Variants in TMEM233 observed in about 807,000 individuals in gnomAD.
TMEM233 encodes the protein transmembrane protein 233.
Under a neutral mutation model 11.2 loss-of-function variants are expected in TMEM233, and 6 were observed. The ratio of observed to expected loss-of-function variants is 0.54; its 90% CI spans 0.29 to 1.06. The LOEUF (loss-of-function observed/expected upper bound fraction) is 1.06, where lower values mean the gene tolerates loss of function less well. Among genes scored for constraint, TMEM233 ranks in the 50% least tolerant of loss-of-function variants. TMEM233 has a pLI of 0.08. For missense variants in TMEM233, 127 were observed against 144.7 expected (o/e 0.88, Z 0.63); for synonymous variants, 59 against 55.8 (o/e 1.06, Z -0.26).
intron 1 of TMEM233, among the ~76,000 whole-genome samples, chr12:119,628,694 G>C (rs963043195): frequency 6.6e-6 from 1 of 151,074 alleles, no homozygotes; most frequent in Non-Finnish European, 1.5e-5. Flanking sequence ...TAGAGACGGG[G>C]TTTCACTGTG....
At chr12:119,598,666 C>T (rs1312882179) in intron 1 of TMEM233, among the ~76,000 whole-genome samples, 1 of 152,194 alleles carries the variant, frequency 6.6e-6, no homozygotes, top group African/African-American at 2.4e-5. Context: ...TTCTCAAGCA[C>T]ACCATTGCCT....
At chr12:119,651,472 GA>G in the TMEM233 span, among the ~76,000 whole-genome samples, 5 of 151,984 alleles carry the variant, frequency 3.3e-5, no homozygotes, top group African/African-American at 9.7e-5. Flanking sequence ...TGACCATTCC[GA>G]AAAAAACTGC....
downstream of TMEM233, among the ~76,000 whole-genome samples, chr12:119,643,241 C>T (rs1202679211): frequency 1.3e-5 from 2 of 151,818 alleles, no homozygotes; most frequent in Admixed American, 6.6e-5. Context: ...CCAGAAATGT[C>T]CCTCTATGAG....
the TMEM233 span, among the ~76,000 whole-genome samples, chr12:119,648,755 T>C: frequency 6.6e-6 from 1 of 150,676 alleles, no homozygotes. Flanking sequence ...AATGAATGAA[T>C]TAATTAATTA....
At chr12:119,601,652 C>A (rs1355654602) in intron 1 of TMEM233, among the ~76,000 whole-genome samples, 3 of 92,026 alleles carry the variant, frequency 3.3e-5, no homozygotes, top group Non-Finnish European at 6.9e-5. Flanking sequence ...AGCGAGATTC[C>A]GCCTCAAAAA....
At chr12:119,612,230 T>G (rs1331632446) in intron 1 of TMEM233, among the ~76,000 whole-genome samples, 1 of 152,074 alleles carries the variant, frequency 6.6e-6, no homozygotes, top group Non-Finnish European at 1.5e-5. Flanking sequence ...CCTGACCCTG[T>G]GATTCCCCCA....
intron 1 of TMEM233, among the ~76,000 whole-genome samples, chr12:119,623,420 C>T (rs945770264): frequency 6.6e-6 from 1 of 152,000 alleles, no homozygotes; most frequent in Non-Finnish European, 1.5e-5. Context: ...ATATTCTATG[C>T]AGTGATTTTG....
chr12:119,601,412 T>G (rs565402087), intron 1 of TMEM233, among the ~76,000 whole-genome samples: 1 of 152,170 alleles, frequency 6.6e-6, no homozygotes, highest in African/African-American at 2.4e-5. Context: ...ATCCCAGCAC[T>G]TTGGGAGGCC....
chr12:119,600,316 C>T (rs1359723163), intron 1 of TMEM233, among the ~76,000 whole-genome samples: 3 of 148,240 alleles, frequency 2.0e-5, no homozygotes, highest in South Asian at 2.1e-4. Context: ...AGACAAGAAC[C>T]GGCTGAAAAA....
intron 2 of TMEM233, among the ~76,000 whole-genome samples, chr12:119,635,505 C>CA (rs1247618729): frequency 6.6e-6 from 1 of 152,178 alleles, no homozygotes; most frequent in Non-Finnish European, 1.5e-5. Context: ...TTCTCTTATA[C>CA]ACTCAACACA....
intron 1 of TMEM233, among the ~76,000 whole-genome samples, chr12:119,607,482 T>A (rs1954304211): frequency 1.3e-5 from 2 of 152,118 alleles, no homozygotes; most frequent in African/African-American, 4.8e-5. Context: ...CTATCAAAAG[T>A]TTTAATATTT....
chr12:119,626,068 C>T (rs930758924), intron 1 of TMEM233, among the ~76,000 whole-genome samples: 2 of 152,146 alleles, frequency 1.3e-5, no homozygotes, highest in East Asian at 1.9e-4. Context: ...ATGTCTTTCA[C>T]GACATTGACT....
Position 119,595,383 on chromosome 12 carries a change from G to C in TMEM233, c.186+1349G>C, listed in dbSNP as rs1410379912. Reference sequence around the variant, plus strand: ...ATCAAGTCCGCCCACACTTGCCCACGGGTGGTGGCACCATATTCGATTCGT... The same window carrying C: ...ATCAAGTCCGCCCACACTTGCCCACCGGTGGTGGCACCATATTCGATTCGT... On this transcript the variant is annotated intron_variant, in intron 1 of 2. Transcript: ENST00000426426. This position sits in a 1 kb window ranked among gnomAD's most constrained non-coding sequence, Gnocchi z 4.3. 6.6e-6 allele frequency among the ~76,000 whole-genome samples: 1 copy of C among 152,216 alleles called. No individual in the cohort carries two copies. The highest frequency in any genetic ancestry group is 1.5e-5 in the Non-Finnish European group (1 of 68,040).
intron 2 of TMEM233, among the ~76,000 whole-genome samples, chr12:119,632,547 T>C (rs1030878181): frequency 2.6e-5 from 4 of 152,076 alleles, no homozygotes; most frequent in African/African-American, 9.7e-5. Context: ...GTTCACAAAA[T>C]CAAAGGAGTA....
At chr12:119,616,418 T>C (rs139278202) in intron 1 of TMEM233, among the ~76,000 whole-genome samples, 1,696 of 152,334 alleles carry the variant, frequency 0.011, 32 homozygotes, top group African/African-American at 0.039. Flanking sequence ...TAAAATACTT[T>C]GCAGGATGAA....
Position 119,593,991 on chromosome 12 carries a change from C to G in TMEM233, c.143C>G (p.Pro48Arg). Residue 48 changes from proline (P) to arginine (R), a missense_variant, in exon 1 of 3, where the codon CCT becomes CGT. Transcript: ENST00000426426. The surrounding 1 kb of genome is among the most constrained non-coding windows in gnomAD (Gnocchi z 4.1). ...CTCACCATCGTCTCGTGTTTTTGCCCTGCGTACCCCATCAACATCGTGGCT... is the reference window on the plus strand; with the variant it reads ...CTCACCATCGTCTCGTGTTTTTGCCGTGCGTACCCCATCAACATCGTGGCT... ...LWLTIVSCFC[P>R]AYPINIVALV... 6.4e-7 allele frequency: 1 copy of G among 1,551,740 alleles called. No individual in the cohort carries two copies. Among genetic ancestry groups the G allele is most frequent in the South Asian group, 1.2e-5 (1 of 84,062 alleles).
intron 1 of TMEM233, among the ~76,000 whole-genome samples, chr12:119,625,976 T>G (rs140170706): frequency 6.6e-6 from 1 of 152,054 alleles, no homozygotes; most frequent in Non-Finnish European, 1.5e-5. Flanking sequence ...TCAAGGATCA[T>G]ACATTGCATA....
At chr12:119,618,680 T>C (rs1026822581) in intron 1 of TMEM233, among the ~76,000 whole-genome samples, 16 of 152,218 alleles carry the variant, frequency 1.1e-4, no homozygotes, top group Admixed American at 4.6e-4. Context: ...CCACTTTGTT[T>C]TGGCCAATTT....
chr12:119,628,827 G>A (rs1310387619), intron 1 of TMEM233, among the ~76,000 whole-genome samples: 5 of 152,098 alleles, frequency 3.3e-5, no homozygotes, highest in African/African-American at 1.2e-4. Context: ...ATTCTTTCCT[G>A]AGAGAGGTCA....
Sources: allele counts gnomAD v4.1 joint callset (sites outside exome capture counted in the v4.1 genomes callset), GRCh38; gene constraint gnomAD v4.1.1; non-coding constraint Gnocchi (gnomAD v3.1); transcripts MANE v1.5; gene names NCBI Gene and HGNC (gene_info 2026-07-23, HGNC 2026-07-21).